SLC30A7: variants seen among roughly 807,000 people sequenced by gnomAD.
SLC30A7 encodes the protein solute carrier family 30 member 7, also known as zinc transporter 7.
A neutral mutation model predicts 46.0 loss-of-function variants in SLC30A7; 35 were observed. The ratio of observed to expected loss-of-function variants is 0.76; its 90% CI spans 0.58 to 1.01. SLC30A7 has a LOEUF of 1.01. Ranked by LOEUF, SLC30A7 falls within the 50% of genes least tolerant of loss-of-function variation. The pLI is 0.00. For missense variants in SLC30A7, 464 were observed against 451.1 expected, an observed-to-expected ratio of 1.03 and a Z score of -0.26; for synonymous variants, 147 against 157.8, an observed-to-expected ratio of 0.93 and a Z score of 0.51.
intron 2 of SLC30A7, among the ~76,000 whole-genome samples, chr1:100,905,366 G>T (rs1332239751): frequency 6.6e-6 from 1 of 151,648 alleles, no homozygotes; most frequent in African/African-American, 2.4e-5. Context: ...ATGTTTAGTG[G>T]TTTGTGACGT....
Position 100,913,665 on chromosome 1 carries a change from C to T in SLC30A7, c.514C>T (p.His172Tyr). ...GGHGHSHGSG[H>Y]GHSHSLFNGA... is the part of the protein sequence containing the mutation. ...TGTCCTAACACTTTGTTTTCTAGGC[C>T]ACGGACACAGTCATTCCCTCTTTAA... is the stretch of plus-strand genomic sequence containing the variant. Residue 172 changes from histidine to tyrosine, a missense_variant and splice_region_variant, in exon 6 of 11, where the codon CAC (histidine) becomes TAC (tyrosine). Physicochemically the swap from His to Tyr is moderately conservative, Grantham distance 83 (BLOSUM62 2). Coordinates refer to ENST00000357650, the MANE Select transcript of SLC30A7 (RefSeq NM_133496.5). The T allele has an allele frequency of 1.9e-6, 3 of 1,613,216 alleles. No individual in the cohort carries two copies. The South Asian group carries it at 3.3e-5, about 18-fold the overall frequency.
chr1:100,971,264 G>T (rs991499206), intron 10 of SLC30A7, among the ~76,000 whole-genome samples: 1 of 152,084 alleles, frequency 6.6e-6, no homozygotes, highest in South Asian at 2.1e-4. Context: ...GAGGGAGGGG[G>T]TACAGAGTAG....
chr1:100,961,015 T>C (rs1655517893), intron 8 of SLC30A7, among the ~76,000 whole-genome samples: 1 of 143,864 alleles, frequency 7.0e-6, no homozygotes, highest in African/African-American at 2.6e-5. Context: ...AGTGCAGTGG[T>C]GCGATCTCGG....
chr1:100,953,325 G>C (rs568363481), intron 8 of SLC30A7, among the ~76,000 whole-genome samples: 1 of 152,302 alleles, frequency 6.6e-6, no homozygotes, highest in Admixed American at 6.5e-5. Context: ...TCAGATTCCT[G>C]ATAGCTAGTT....
At chr1:100,929,660 T>TGCCCA (rs1408607490) in intron 8 of SLC30A7, among the ~76,000 whole-genome samples, 1 of 152,100 alleles carries the variant, frequency 6.6e-6, no homozygotes, top group Non-Finnish European at 1.5e-5. Flanking sequence ...CCTTCTAGCT[T>TGCCCA]GCCCAGCGTT....
rs573168400 is a variant in SLC30A7 at position 100,915,532 on chromosome 1, T to G, written c.655+1726T>G. Among the ~76,000 whole-genome samples, 205 of 152,286 alleles carry G rather than the reference T, an allele frequency of 1.3e-3. 2 individuals are homozygous for G. The highest frequency in any genetic ancestry group is 4.6e-3 in the African/African-American group (191 of 41,554). Reference sequence around the variant, plus strand: ...TTATATAAGTGATATAAATGTAGTATTTGTCCTTCTGTGTCTGGCTTATTT... The same window carrying G: ...TTATATAAGTGATATAAATGTAGTAGTTGTCCTTCTGTGTCTGGCTTATTT... On this transcript the variant is annotated intron_variant, in intron 6 of 10. Coordinates refer to ENST00000357650, the MANE Select transcript of SLC30A7 (RefSeq NM_133496.5).
At chr1:100,990,645 A>C in the SLC30A7 span, 10 of 1,612,286 alleles carry the variant, frequency 6.2e-6, no homozygotes, top group Non-Finnish European at 8.5e-6. Flanking sequence ...TTAAAAAAAA[A>C]AGATACTGCT....
the SLC30A7 span, among the ~76,000 whole-genome samples, chr1:100,991,189 C>A: frequency 3.9e-5 from 6 of 152,200 alleles, no homozygotes; most frequent in African/African-American, 1.4e-4. Context: ...ACTATAGATT[C>A]CTTAACAAAT....
At chr1:100,961,156 T>A (rs1486908105) in intron 8 of SLC30A7, among the ~76,000 whole-genome samples, 4 of 149,524 alleles carry the variant, frequency 2.7e-5, no homozygotes, top group Non-Finnish European at 5.9e-5. Flanking sequence ...GGAGACGGGG[T>A]TTCACCGTGT....
chr1:100,916,709 T>G (rs1652579062), intron 6 of SLC30A7, among the ~76,000 whole-genome samples: 1 of 142,258 alleles, frequency 7.0e-6, no homozygotes, highest in African/African-American at 2.7e-5. Flanking sequence ...TCATTCTTTT[T>G]TTTTTTTTTT....
intron 8 of SLC30A7, among the ~76,000 whole-genome samples, chr1:100,954,123 T>A (rs1228595938): frequency 6.6e-6 from 1 of 152,146 alleles, no homozygotes; most frequent in African/African-American, 2.4e-5. Context: ...ACGTGTTAAG[T>A]GGTTATTATG....
intron 6 of SLC30A7, among the ~76,000 whole-genome samples, chr1:100,915,193 TTTTCTTTC>T (rs200989431): frequency 0.043 from 3,856 of 90,534 alleles, 104 homozygotes; most frequent in African/African-American, 0.051. Flanking sequence ...CTTTTCTTTC[TTTTCTTTC>T]TTTCTTTCTT....
At position 100,901,863 on chromosome 1, in the gene SLC30A7, C is replaced by T. The variant is rs140606580; in HGVS notation, c.183-4989C>T. On this transcript the variant is annotated intron_variant, in intron 2 of 10. Coordinates refer to ENST00000357650, the MANE Select transcript of SLC30A7 (RefSeq NM_133496.5). ...CGACAAGTAAGTGGATTTTCACAAC[C>T]AGCTTTACTTTATCATGGTTTACTG... 6.4e-4 allele frequency among the ~76,000 whole-genome samples: 98 copies of T among 152,316 alleles called. 1 individual carries two copies. The highest frequency in any genetic ancestry group is 2.3e-3 in the African/African-American group (96 of 41,584).
chr1:100,916,525 T>C (rs1652561793), intron 6 of SLC30A7, among the ~76,000 whole-genome samples: 1 of 152,142 alleles, frequency 6.6e-6, no homozygotes, highest in Non-Finnish European at 1.5e-5. Flanking sequence ...GATGTTTTGA[T>C]ACAGGCATGC....
intron 8 of SLC30A7, among the ~76,000 whole-genome samples, chr1:100,958,875 A>G (rs6693339): frequency 0.17 from 26,491 of 152,180 alleles, 2,380 homozygotes; most frequent in African/African-American, 0.22. Context: ...TAGTAATAGT[A>G]TAGGTAGCAC....
intron 2 of SLC30A7, among the ~76,000 whole-genome samples, chr1:100,901,554 A>T (rs1248454371): frequency 6.6e-6 from 1 of 152,140 alleles, no homozygotes; most frequent in Admixed American, 6.5e-5. Flanking sequence ...CCCTGAGTTC[A>T]AGCAATCCTC....
intron 1 of SLC30A7, 48 bp from the exon 2 acceptor site, chr1:100,896,522 G>A (rs377375242): frequency 7.7e-6 from 12 of 1,562,274 alleles, no homozygotes; most frequent in Admixed American, 1.7e-5. Flanking sequence ...TCGGGGTCCC[G>A]GCACCTCCTT....
intron 2 of SLC30A7, among the ~76,000 whole-genome samples, chr1:100,899,599 C>T (rs1384098066): frequency 6.6e-6 from 1 of 152,108 alleles, no homozygotes; most frequent in Non-Finnish European, 1.5e-5. Context: ...ACCAGCATCC[C>T]TTGAACCTGG....
chr1:100,908,577 A>G (rs1651848226), intron 3 of SLC30A7, among the ~76,000 whole-genome samples: 2 of 152,224 alleles, frequency 1.3e-5, no homozygotes, highest in Admixed American at 1.3e-4. Context: ...ATTTTATAGT[A>G]TAGAGCAGTA....
Sources: allele counts gnomAD v4.1 joint callset (sites outside exome capture counted in the v4.1 genomes callset), GRCh38; gene constraint gnomAD v4.1.1; transcripts MANE v1.5; gene names NCBI Gene and HGNC (gene_info 2026-07-23, HGNC 2026-07-21).